Variants in ATR observed in about 807,000 individuals in gnomAD.
ATR encodes ATR checkpoint kinase.
In ATR, 142 loss-of-function variants were observed where a neutral mutation model predicts 305.3. The ratio of observed to expected loss-of-function variants is 0.47; its 90% CI spans 0.41 to 0.53. The LOEUF (loss-of-function observed/expected upper bound fraction) is 0.53, where lower values mean the gene tolerates loss of function less well. Among genes scored for constraint, ATR ranks in the 20% least tolerant of loss-of-function variants. The pLI, the probability that ATR is intolerant of heterozygous loss-of-function variation, is 0.00. For synonymous variants in ATR, 1,050 were observed against 1,068.1 expected (o/e 0.98, Z 0.33); for missense variants, 2,135 against 3,133.1 (o/e 0.68, Z 7.60).
chr3:142,504,194 T>C (rs976376013), intron 29 of ATR, among the ~76,000 whole-genome samples: 8 of 152,220 alleles, frequency 5.3e-5, no homozygotes, highest in Non-Finnish European at 1.0e-4. Context: ...ACACAGCTTA[T>C]TCCCATTACT....
chr3:142,514,274 G>T (rs1173103121), intron 25 of ATR, among the ~76,000 whole-genome samples: 2 of 150,386 alleles, frequency 1.3e-5, no homozygotes, highest in Admixed American at 1.3e-4. Flanking sequence ...CAAAAAAAAA[G>T]AAAATGTCTT....
chr3:142,552,669 CAAA>C (rs143475912), intron 13 of ATR, among the ~76,000 whole-genome samples: 3 of 93,322 alleles, frequency 3.2e-5, no homozygotes, highest in Admixed American at 1.3e-4. Context: ...TACTCCATCT[CAAA>C]AAAAAAAAAA....
At position 142,453,227 on chromosome 3, in the gene ATR, T is replaced by C. The variant is rs2108249803; in HGVS notation, c.7662A>G (p.Leu2554=). ...CAAGAGGATCATGTAGAAAAGTCTT[T>C]AAGACACTAAAATTGAAACAAATAT... ...RDQREPLMSV[L]KTFLHDPLVE... Residue 2554 remains leucine (L), a synonymous_variant, in exon 46 of 47, where the codon TTA becomes TTG. Transcript: ENST00000350721. 2 of 1,612,668 alleles carry C rather than the reference T, an allele frequency of 1.2e-6. No individual in the cohort carries two copies. Among genetic ancestry groups the C allele is most frequent in the Non-Finnish European group, 1.7e-6 (2 of 1,178,710 alleles).
At chr3:142,483,874 A>AATATATAT (rs35084597) in intron 36 of ATR, among the ~76,000 whole-genome samples, 4 of 149,428 alleles carry the variant, frequency 2.7e-5, no homozygotes, top group Non-Finnish European at 5.9e-5. Flanking sequence ...AATAAAATAA[A>AATATATAT]ATATATATAT....
intron 30 of ATR, 70 bp from the exon 31 acceptor site, chr3:142,499,788 T>A: frequency 1.5e-5 from 18 of 1,216,988 alleles, no homozygotes; most frequent in Non-Finnish European, 2.1e-5. Context: ...TTTTCATTGG[T>A]TTACATACTC....
In ATR at chr3:142,462,007, C is replaced by T. The variant is rs2108265987; in HGVS notation, c.7125G>A (p.Gly2375=). 6.2e-7 allele frequency: 1 copy of T among 1,613,542 alleles called. No individual in the cohort carries two copies. Among genetic ancestry groups the T allele is most frequent in the Non-Finnish European group, 8.5e-7 (1 of 1,179,680 alleles). The change falls in exon 42 of 47, where the codon GGG becomes GGA. Residue 2375 remains glycine, a synonymous_variant. Coordinates refer to ENST00000350721, the MANE Select transcript of ATR (RefSeq NM_001184.4). ...YAVIPLNDEC[G]IIEWVNNTAG... ...CAGTGTTGTTCACCCATTCAATAAT[C>T]CCACATTCATCATTTAGTGGAATAA... is the stretch of plus-strand genomic sequence containing the variant.
intron 38 of ATR, among the ~76,000 whole-genome samples, chr3:142,468,507 T>C (rs1271102805): frequency 4.6e-5 from 7 of 152,126 alleles, no homozygotes; most frequent in Non-Finnish European, 8.8e-5. Context: ...TTAAATTTAG[T>C]GTTAAAATAT....
rs779170933 is a variant in ATR, at chr3:142,535,127, G to A, written c.3898C>T (p.Arg1300Cys). The A allele has an allele frequency of 8.7e-6, 14 of 1,612,992 alleles. No individual in the cohort carries two copies. Among genetic ancestry groups the A allele is most frequent in the Admixed American group, 1.7e-5 (1 of 59,954 alleles). ...KAIQHENVDVRIHALTSLKET... is the reference protein window; with the variant it reads ...KAIQHENVDVCIHALTSLKET... Reference sequence around the variant, plus strand: ...TTCAAGCTTGTAAGAGCATGAATACGAACATCGACATTTTCATGTTGAATG... The same window carrying A: ...TTCAAGCTTGTAAGAGCATGAATACAAACATCGACATTTTCATGTTGAATG... The change falls in exon 21 of 47, where the codon CGT becomes TGT. Residue 1300 changes from arginine (R) to cysteine (C), a missense_variant. Transcript: ENST00000350721.
chr3:142,558,998 C>T (rs541776720), intron 7 of ATR: 22 of 616,758 alleles, frequency 3.6e-5, no homozygotes, highest in Admixed American at 1.4e-4. Context: ...AGAAGAATCA[C>T]GGCATTCCTC....
In ATR at chr3:142,558,613, T is replaced by G; in HGVS notation, c.1885+11A>C. ...AAAACAAACCACACACACATTCTTG[T>G]GAGCACTTACAATAGCTATCTGAAA... On this transcript the variant is annotated intron_variant, in intron 8 of 46. Coordinates refer to ENST00000350721, the MANE Select transcript of ATR (RefSeq NM_001184.4). 6.2e-7 allele frequency: 1 copy of G among 1,608,598 alleles called. No homozygotes were observed. The highest frequency in any genetic ancestry group is 8.5e-7 in the Non-Finnish European group (1 of 1,176,304).
chr3:142,470,916 A>G (rs1009777360), intron 36 of ATR, among the ~76,000 whole-genome samples: 2 of 152,188 alleles, frequency 1.3e-5, no homozygotes, highest in African/African-American at 4.8e-5. Context: ...TTCAAAAGAA[A>G]TTTTATTGTG....
chr3:142,512,804 A>G (rs111280634), intron 26 of ATR, among the ~76,000 whole-genome samples: 10,497 of 152,168 alleles, frequency 0.069, 889 homozygotes, highest in African/African-American at 0.2. Context: ...GCAGTGAGCC[A>G]AGAGCATCAC....
intron 30 of ATR, among the ~76,000 whole-genome samples, chr3:142,501,230 G>A (rs2031946948): frequency 6.6e-6 from 1 of 152,080 alleles, no homozygotes; most frequent in South Asian, 2.1e-4. Flanking sequence ...GAAGAAAAGA[G>A]GAGTCTGAAT....
intron 23 of ATR, 96 bp downstream of exon 23, chr3:142,522,632 A>G: frequency 2.9e-6 from 3 of 1,050,152 alleles, no homozygotes; most frequent in Non-Finnish European, 4.4e-6. Flanking sequence ...TAAAAGTGAG[A>G]ATTAAAACAA....
intron 21 of ATR, among the ~76,000 whole-genome samples, chr3:142,527,970 A>G (rs993655152): frequency 1.3e-5 from 2 of 152,322 alleles, no homozygotes; most frequent in East Asian, 3.9e-4. Context: ...AAAGGTTGCC[A>G]GCAAACCACC....
At chr3:142,567,774 A>G (rs1284330503) in intron 2 of ATR, among the ~76,000 whole-genome samples, 1 of 152,184 alleles carries the variant, frequency 6.6e-6, no homozygotes, top group Non-Finnish European at 1.5e-5. Context: ...GGTCCACATG[A>G]TTGGTACTGG....
intron 35 of ATR, among the ~76,000 whole-genome samples, chr3:142,489,461 C>T (rs999977885): frequency 2.6e-5 from 4 of 152,120 alleles, no homozygotes; most frequent in Admixed American, 6.5e-5. Context: ...CCACCCTTGC[C>T]GTCACTCTCC....
rs1204763261 is a variant in ATR, at chr3:142,467,922, T to G, written c.6687+12A>C. On this transcript the variant is annotated intron_variant, in intron 39 of 46. Coordinates refer to ENST00000350721, the MANE Select transcript of ATR (RefSeq NM_001184.4). ...CAACATCAGTTTATAAGCACTAAGATTATGATAGTACCGGTTTATTGCACA... is the reference window on the plus strand; with the variant it reads ...CAACATCAGTTTATAAGCACTAAGAGTATGATAGTACCGGTTTATTGCACA... The G allele has an allele frequency of 1.2e-6, 2 of 1,612,228 alleles. No homozygotes were observed. The highest frequency in any genetic ancestry group is 1.1e-5 in the South Asian group (1 of 90,990).
rs778436955 is a variant in ATR at position 142,468,081 on chromosome 3, A to G, written c.6553-13T>C. ...TGGGATAAGATGACTGTCATAAAAA[A>G]GAGTTAAATGTCATAAAAAAGAGTT... On this transcript the variant is annotated splice_polypyrimidine_tract_variant and intron_variant, in intron 38 of 46. Coordinates refer to ENST00000350721, the MANE Select transcript of ATR (RefSeq NM_001184.4). 1.2e-6 allele frequency: 2 copies of G among 1,611,348 alleles called. No individual in the cohort carries two copies. The highest frequency in any genetic ancestry group is 1.7e-5 in the Admixed American group (1 of 59,958).
Sources: allele counts gnomAD v4.1 joint callset (sites outside exome capture counted in the v4.1 genomes callset), GRCh38; gene constraint gnomAD v4.1.1; transcripts MANE v1.5; gene names NCBI Gene and HGNC (gene_info 2026-07-23, HGNC 2026-07-21).